The following FUBP3 variants were observed in gnomAD, a reference collection of about 807,000 sequenced individuals.
The protein encoded by FUBP3 is far upstream element binding protein 3.
FUBP3 carries 28 observed loss-of-function variants against 85.6 expected under a neutral mutation model. The observed-to-expected ratio is 0.33, with a 90% CI of 0.24 to 0.45. The LOEUF (loss-of-function observed/expected upper bound fraction) is 0.45, where lower values mean the gene tolerates loss of function less well. Ranked by LOEUF, FUBP3 falls within the 20% of genes least tolerant of loss-of-function variation. FUBP3 has a pLI of 1.00. For missense variants in FUBP3, 583 were observed against 755.1 expected (o/e 0.77, Z 2.67); for synonymous variants, 271 against 271.4 (o/e 1.00, Z 0.01).
In FUBP3 at chr9:130,628,094, G is replaced by GCGCACACACA. The variant is rs1280537209; in HGVS notation, c.1117+1590_1117+1591insGCACACACAC. On this transcript the variant is annotated intron_variant, in intron 12 of 18. Coordinates refer to ENST00000319725, the MANE Select transcript of FUBP3 (RefSeq NM_003934.2). ...CACCGCACTAAACACACGCACGCAC[G>GCGCACACACA]CACGCACGCGCACACACACACACAC... Among the ~76,000 whole-genome samples the GCGCACACACA allele has an allele frequency of 4.6e-4, 55 of 119,532 alleles. No individual in the cohort carries two copies. The East Asian group carries it at 9.8e-3, about 21-fold the overall frequency. The allele number at this position is 119,532 out of a possible 152,430, so 78.4% of individuals were successfully genotyped here. A position where few individuals can be genotyped will look rare whatever the true frequency, so the allele number is the denominator to read the frequency against.
At position 130,610,096 on chromosome 9, in the gene FUBP3, A is replaced by G. The variant is rs554279516; in HGVS notation, c.224+109A>G. ...TCAGAGGTTGAGAATGTGAAAAAGC[A>G]TGGGTTAGGCTTCTTTAAGACTCGA... On this transcript the variant is annotated intron_variant, in intron 3 of 18. Transcript: ENST00000319725. 5.4e-6 allele frequency: 5 copies of G among 919,222 alleles called. No individual in the cohort carries two copies. In the East Asian group the frequency reaches 1.2e-4, roughly 22 times the overall value. The allele number at this position is 919,222 out of a possible 1,614,324, so 56.9% of individuals were successfully genotyped here. A position where few individuals can be genotyped will look rare whatever the true frequency, so the allele number is the denominator to read the frequency against.
chr9:130,627,998 T>A (rs1830048551), intron 12 of FUBP3, among the ~76,000 whole-genome samples: 1 of 152,148 alleles, frequency 6.6e-6, no homozygotes, highest in South Asian at 2.1e-4. Flanking sequence ...CTGTGTCCCA[T>A]GCTTGAATAG....
At chr9:130,636,451 A>G (rs1830423020) in intron 18 of FUBP3, among the ~76,000 whole-genome samples, 2 of 152,216 alleles carry the variant, frequency 1.3e-5, no homozygotes, top group South Asian at 4.1e-4. Flanking sequence ...CAGTTTCCCT[A>G]ACCGTAAAGG....
intron 5 of FUBP3, among the ~76,000 whole-genome samples, chr9:130,613,269 C>T (rs997626813): frequency 6.6e-6 from 1 of 152,226 alleles, no homozygotes; most frequent in African/African-American, 2.4e-5. Flanking sequence ...AGACATGGCC[C>T]CTTCCCAAAC....
chr9:130,592,352 A>G (rs1353629487), intron 1 of FUBP3, among the ~76,000 whole-genome samples: 5 of 152,178 alleles, frequency 3.3e-5, no homozygotes, highest in African/African-American at 4.8e-5. Context: ...CAAGAGTCTC[A>G]CTCTGAGATG....
chr9:130,599,075 G>A (rs1239591388), intron 2 of FUBP3, among the ~76,000 whole-genome samples: 3 of 152,158 alleles, frequency 2.0e-5, no homozygotes, highest in South Asian at 2.1e-4. Context: ...GGCAAATCAC[G>A]AGGTCAGGAG....
chr9:130,636,172 C>G (rs763350423), intron 18 of FUBP3, 46 bp downstream of exon 18: 1 of 1,590,800 alleles, frequency 6.3e-7, no homozygotes, highest in Non-Finnish European at 8.6e-7. Flanking sequence ...TAGCCCCGAG[C>G]CCCTGCTCCC....
rs1830125139 is a variant in FUBP3 at position 130,581,353 on chromosome 9, T to A, written c.84+1589T>A. On this transcript the variant is annotated intron_variant, in intron 1 of 18. Coordinates refer to ENST00000319725, the MANE Select transcript of FUBP3 (RefSeq NM_003934.2). ...GGTGTTTACTACTAGCAGTGAAAAC[T>A]TCATTGGAATTGTTCTCAGCTCTGA... The A allele has an allele frequency of 2.0e-5, 3 of 152,338 alleles. No homozygotes were observed. The South Asian group carries it at 6.2e-4, about 32-fold the overall frequency. The allele number at this position is 152,338 out of a possible 1,614,324, so 9.4% of individuals were successfully genotyped here.
chr9:130,599,943 T>G (rs1052144024), intron 2 of FUBP3, among the ~76,000 whole-genome samples: 3 of 152,130 alleles, frequency 2.0e-5, no homozygotes, highest in Admixed American at 2.0e-4. Context: ...TGGCTGCCTG[T>G]CTCCTCTCTC....
chr9:130,591,638 C>A (rs1830630020), intron 1 of FUBP3, among the ~76,000 whole-genome samples: 1 of 152,072 alleles, frequency 6.6e-6, no homozygotes. Flanking sequence ...ATTTGTTTAA[C>A]CAGGGTTCAA....
chr9:130,626,527 A>G (rs528337548), intron 12 of FUBP3, 22 bp downstream of exon 12: 1 of 1,611,842 alleles, frequency 6.2e-7, no homozygotes, highest in African/African-American at 1.3e-5. Context: ...CTGGGGTTTC[A>G]CATCCCCCCT....
chr9:130,632,309 C>G, intron 16 of FUBP3, 31 bp downstream of exon 16: 2 of 1,556,738 alleles, frequency 1.3e-6, no homozygotes, highest in South Asian at 2.2e-5. Context: ...AGTGCATGCC[C>G]TCCAGAAAGG....
chr9:130,604,172 T>C (rs1831304835), intron 2 of FUBP3, among the ~76,000 whole-genome samples: 1 of 152,120 alleles, frequency 6.6e-6, no homozygotes, highest in Non-Finnish European at 1.5e-5. Flanking sequence ...TTATGTAACC[T>C]TTTGGGAACG....
In FUBP3 at chr9:130,616,693, G is replaced by A. The variant is rs773170739; in HGVS notation, c.567+176G>A. On this transcript the variant is annotated intron_variant, in intron 7 of 18. Transcript: ENST00000319725. This position sits in a 1 kb window ranked among gnomAD's most constrained non-coding sequence, Gnocchi z 4.7. Reference sequence around the variant, plus strand: ...GCTTCTGAACATACACCACGGCCACGTCTGATGCCAAATATGATGCCAAGT... The same window carrying A: ...GCTTCTGAACATACACCACGGCCACATCTGATGCCAAATATGATGCCAAGT... 5.9e-5 allele frequency among the ~76,000 whole-genome samples: 9 copies of A among 152,202 alleles called. No individual in the cohort carries two copies. Among genetic ancestry groups the A allele is most frequent in the Non-Finnish European group, 1.0e-4 (7 of 68,032 alleles).
In FUBP3 at chr9:130,626,353, G is replaced by T. The variant is rs778601331; in HGVS notation, c.976-11G>T. Reference sequence around the variant, plus strand: ...GTGGCAGAGGTCGCTACAGCCCTGTGATCTTTCCAGGAAAGAGACGGCTTT... The same window carrying T: ...GTGGCAGAGGTCGCTACAGCCCTGTTATCTTTCCAGGAAAGAGACGGCTTT... On this transcript the variant is annotated splice_polypyrimidine_tract_variant and intron_variant, in intron 11 of 18. Coordinates refer to ENST00000319725, the MANE Select transcript of FUBP3 (RefSeq NM_003934.2). 3 of 1,609,656 alleles carry T rather than the reference G, an allele frequency of 1.9e-6. No individual in the cohort carries two copies. The East Asian group carries it at 6.7e-5, about 36-fold the overall frequency.
rs965826974 is a variant in FUBP3, at chr9:130,637,366, G to A, written c.*344G>A. On this transcript the variant is annotated 3_prime_UTR_variant, in exon 19 of 19. Coordinates refer to ENST00000319725, the MANE Select transcript of FUBP3 (RefSeq NM_003934.2). ...TGGTTTTGTGTCCTTTTTATTTGCA[G>A]TTTTTTCTGTTGCAACAGAAAGTGG... The A allele has an allele frequency of 2.4e-5, 6 of 252,194 alleles. No homozygotes were observed. In the Admixed American group the frequency reaches 3.1e-4, roughly 13 times the overall value. 15.6% of individuals were successfully genotyped at this position (252,194 alleles called of 1,614,324 possible). A position where few individuals can be genotyped will look rare whatever the true frequency, so the allele number is the denominator to read the frequency against.
chr9:130,593,228 G>T (rs1830712498), intron 1 of FUBP3, among the ~76,000 whole-genome samples: 1 of 152,134 alleles, frequency 6.6e-6, no homozygotes, highest in Admixed American at 6.5e-5. Context: ...TTCTCTTACT[G>T]TGGTAATGCT....
chr9:130,586,167 C>G (rs1236339438), intron 1 of FUBP3, among the ~76,000 whole-genome samples: 1 of 152,112 alleles, frequency 6.6e-6, no homozygotes, highest in African/African-American at 2.4e-5. Context: ...CATTTTTATT[C>G]TAATACCAGA....
At chr9:130,610,047 C>T (rs1345473994) in intron 3 of FUBP3, 60 bp downstream of exon 3, 1 of 1,260,870 alleles carries the variant, frequency 7.9e-7, no homozygotes, top group African/African-American at 1.5e-5. Flanking sequence ...ATTGATCCAC[C>T]ATCTGTACTA....
Sources: gnomAD v4.1 joint callset for allele counts (sites outside exome capture counted in the v4.1 genomes callset) on GRCh38, gnomAD v4.1.1 for gene constraint, Gnocchi (gnomAD v3.1) non-coding constraint, MANE v1.5 for transcripts, NCBI Gene and HGNC (gene_info 2026-07-23, HGNC 2026-07-21) for gene names.